The following DLG2 variants were observed in gnomAD, a reference collection of about 807,000 sequenced individuals.
DLG2 encodes discs large MAGUK scaffold protein 2, also known as disks large homolog 2.
In DLG2, 45 loss-of-function variants were observed where a neutral mutation model predicts 132.5. The observed-to-expected ratio is 0.34, with a 90% CI of 0.27 to 0.44. The LOEUF (loss-of-function observed/expected upper bound fraction) is 0.44. Ranked by LOEUF, DLG2 falls within the 20% of genes least tolerant of loss-of-function variation. The pLI is 1.00. For synonymous variants in DLG2, 424 were observed against 419.6 expected, an observed-to-expected ratio of 1.01 and a Z score of -0.13; for missense variants, 1,045 against 1,196.9, an observed-to-expected ratio of 0.87 and a Z score of 1.87.
In DLG2 at chr11:84,934,564, T is replaced by C. The variant is rs184613090; in HGVS notation, c.357+177097A>G. 1.3e-3 allele frequency among the ~76,000 whole-genome samples: 189 copies of C among 142,680 alleles called. 3 individuals are homozygous for C. The highest frequency in any genetic ancestry group is 0.012 in the Admixed American group (175 of 14,028). 93.6% of individuals were successfully genotyped at this position (142,680 alleles called of 152,430 possible). The stretch of plus-strand genomic sequence containing the variant: ...TTTTTTTTGGTGGGTAGGCTATTTA[T>C]TACTGTCTCAATTTCAGACCTCATT... On this transcript the variant is annotated intron_variant, in intron 6 of 27. Coordinates refer to ENST00000376104, the MANE Select transcript of DLG2 (RefSeq NM_001142699.3).
intron 7 of DLG2, among the ~76,000 whole-genome samples, chr11:84,294,792 G>A (rs1425699314): frequency 6.6e-6 from 1 of 151,984 alleles, no homozygotes; most frequent in Non-Finnish European, 1.5e-5. Context: ...CTGAGCTTGG[G>A]GTAAGGGTGG....
Position 84,616,200 on chromosome 11 carries a change from G to A in DLG2, c.358-81469C>T, listed in dbSNP as rs550736693. Among the ~76,000 whole-genome samples, 5 of 152,178 alleles carry A rather than the reference G, an allele frequency of 3.3e-5. No homozygotes were observed. The South Asian group carries it at 1.0e-3, about 32-fold the overall frequency. On this transcript the variant is annotated intron_variant, in intron 6 of 27. Transcript: ENST00000376104. ...TAAAAAGGTGGGGCAGTTGTAGGAA[G>A]GAAGAGCTTGTGTTTCAGTTTTCAG...
chr11:83,984,908 A>G (rs1325941389), intron 11 of DLG2, among the ~76,000 whole-genome samples: 8 of 152,144 alleles, frequency 5.3e-5, no homozygotes, highest in Non-Finnish European at 1.2e-4. Flanking sequence ...CTATTGCACT[A>G]CTGAACACTA....
At chr11:85,087,942 T>G (rs916179482) in intron 6 of DLG2, among the ~76,000 whole-genome samples, 11 of 150,996 alleles carry the variant, frequency 7.3e-5, no homozygotes, top group Admixed American at 2.6e-4. Context: ...AAAAAGACAT[T>G]AAAATGTTTT....
chr11:84,184,951 C>T (rs1360643547), intron 8 of DLG2, among the ~76,000 whole-genome samples: 2 of 152,134 alleles, frequency 1.3e-5, no homozygotes, highest in Admixed American at 6.5e-5. Context: ...GGTACCAGTA[C>T]CATGCTGTTT....
intron 6 of DLG2, among the ~76,000 whole-genome samples, chr11:85,095,919 G>C (rs1430027739): frequency 6.6e-6 from 1 of 152,184 alleles, no homozygotes; most frequent in Admixed American, 6.5e-5. Flanking sequence ...CATGCTGACA[G>C]GTGAAGCCAG....
chr11:84,737,716 T>A (rs1241398803), intron 6 of DLG2, among the ~76,000 whole-genome samples: 1 of 151,932 alleles, frequency 6.6e-6, no homozygotes, highest in Non-Finnish European at 1.5e-5. Flanking sequence ...AGGCAACAGA[T>A]AATGGTGATA....
chr11:83,698,951 G>C (rs565261987), intron 18 of DLG2, among the ~76,000 whole-genome samples: 1 of 152,326 alleles, frequency 6.6e-6, no homozygotes, highest in East Asian at 1.9e-4. Flanking sequence ...ATTCAAGAGA[G>C]AGCTGCATCT....
At position 84,428,303 on chromosome 11, in the gene DLG2, G is replaced by A. The variant is rs543491796; in HGVS notation, c.519+106267C>T. On this transcript the variant is annotated intron_variant, in intron 7 of 27. Coordinates refer to ENST00000376104, the MANE Select transcript of DLG2 (RefSeq NM_001142699.3). ...ATAAAAAAGAACACTATTTCTACCCGGTGTTGATAGGCTGGCCTTGGGCAC... is the reference window on the plus strand; with the variant it reads ...ATAAAAAAGAACACTATTTCTACCCAGTGTTGATAGGCTGGCCTTGGGCAC... Among the ~76,000 whole-genome samples the A allele has an allele frequency of 5.9e-5, 9 of 152,252 alleles. No individual in the cohort carries two copies. In the South Asian group the frequency reaches 6.2e-4, roughly 11 times the overall value.
At chr11:85,418,447 G>GT (rs2090039720) in intron 3 of DLG2, among the ~76,000 whole-genome samples, 1 of 152,158 alleles carries the variant, frequency 6.6e-6, no homozygotes, top group Non-Finnish European at 1.5e-5. Context: ...TTTTTTAGAT[G>GT]TCTATTAGGT....
At chr11:84,698,596 T>C (rs1466373524) in intron 6 of DLG2, among the ~76,000 whole-genome samples, 1 of 151,640 alleles carries the variant, frequency 6.6e-6, no homozygotes, top group Non-Finnish European at 1.5e-5. Context: ...AATAAGTGCA[T>C]ATACTTCGTT....
At chr11:84,573,490 G>C (rs541041557) in intron 6 of DLG2, among the ~76,000 whole-genome samples, 18 of 152,156 alleles carry the variant, frequency 1.2e-4, no homozygotes, top group Admixed American at 1.2e-3. Context: ...ATACCAAAAA[G>C]GATGCAAGGT....
intron 6 of DLG2, among the ~76,000 whole-genome samples, chr11:84,766,641 C>T (rs1182140597): frequency 6.6e-6 from 1 of 152,002 alleles, no homozygotes; most frequent in African/African-American, 2.4e-5. Context: ...CATTCAGTTT[C>T]AAATCATTCA....
chr11:84,123,627 G>C (rs542196096), intron 9 of DLG2, among the ~76,000 whole-genome samples: 26 of 152,174 alleles, frequency 1.7e-4, no homozygotes, highest in Non-Finnish European at 3.4e-4. Context: ...AGAGTCTCCA[G>C]TGTGATGCTG....
intron 12 of DLG2, among the ~76,000 whole-genome samples, chr11:83,978,369 C>T (rs763281822): frequency 1.4e-4 from 22 of 152,048 alleles, no homozygotes; most frequent in Admixed American, 3.9e-4. Flanking sequence ...TACTTGAGAA[C>T]GAAACGGTCT....
intron 3 of DLG2, among the ~76,000 whole-genome samples, chr11:85,450,866 CT>C (rs1371730480): frequency 2.0e-5 from 3 of 152,044 alleles, no homozygotes; most frequent in Non-Finnish European, 4.4e-5. Context: ...ACCCATGTAG[CT>C]TTTTTCTGCC....
At chr11:85,190,387 T>C (rs2080435039) in intron 4 of DLG2, among the ~76,000 whole-genome samples, 1 of 151,716 alleles carries the variant, frequency 6.6e-6, no homozygotes, top group Admixed American at 6.6e-5. Flanking sequence ...TTTACAGCAG[T>C]GAACACCTAC....
At chr11:85,199,162 C>A (rs1216960320) in intron 4 of DLG2, among the ~76,000 whole-genome samples, 1 of 152,126 alleles carries the variant, frequency 6.6e-6, no homozygotes, top group African/African-American at 2.4e-5. Flanking sequence ...GTGAATAACT[C>A]TTCAATAGAT....
intron 6 of DLG2, among the ~76,000 whole-genome samples, chr11:84,595,780 C>T (rs1276595114): frequency 6.6e-6 from 1 of 152,160 alleles, no homozygotes; most frequent in African/African-American, 2.4e-5. Flanking sequence ...ACAAAATCAT[C>T]CAAATACTGC....
Sources: allele counts gnomAD v4.1 joint callset (sites outside exome capture counted in the v4.1 genomes callset), GRCh38; gene constraint gnomAD v4.1.1; transcripts MANE v1.5; gene names NCBI Gene and HGNC (gene_info 2026-07-23, HGNC 2026-07-21).